Variants in DNAH10 observed in about 807,000 individuals in gnomAD.
DNAH10 encodes the protein dynein axonemal heavy chain 10, also known as axonemal beta dynein heavy chain 10.
In DNAH10, 348 loss-of-function variants were observed where a neutral mutation model predicts 506.6. The ratio of observed to expected loss-of-function variants is 0.69; its 90% CI spans 0.63 to 0.75. The LOEUF is 0.75. DNAH10 is among the 30% of genes least tolerant of loss of function. The probability of loss-of-function intolerance (pLI) is 0.00; values close to 1 mark genes in which losing one functional copy is unlikely to be tolerated. For synonymous variants in DNAH10, 2,059 were observed against 2,198.6 expected (o/e 0.94, Z 1.78); for missense variants, 5,179 against 5,787.1 (o/e 0.89, Z 3.41).
At chr12:123,839,593 G>A (rs573713400) in intron 29 of DNAH10, among the ~76,000 whole-genome samples, 48 of 150,274 alleles carry the variant, frequency 3.2e-4, no homozygotes, top group African/African-American at 1.1e-3. Context: ...TCTTTTTTTT[G>A]TAAAGTTGTA....
intron 18 of DNAH10, among the ~76,000 whole-genome samples, chr12:123,806,183 T>C (rs1958668678): frequency 6.6e-6 from 1 of 152,238 alleles, no homozygotes; most frequent in Admixed American, 6.5e-5. Context: ...CCCTTTCACG[T>C]TGGCTGCTAG....
chr12:123,822,969 G>A (rs751432379), intron 24 of DNAH10, among the ~76,000 whole-genome samples: 12 of 152,160 alleles, frequency 7.9e-5, no homozygotes, highest in Admixed American at 2.0e-4. Flanking sequence ...AAACACCAGC[G>A]TCCACTTGAC....
chr12:123,833,021 TG>T (rs1444438920), intron 26 of DNAH10, 92 bp from the exon 27 acceptor site: 2 of 925,566 alleles, frequency 2.2e-6, no homozygotes, highest in Non-Finnish European at 3.4e-6. Context: ...ATTGCATTGT[TG>T]GCCAAAAGCA....
intron 51 of DNAH10, among the ~76,000 whole-genome samples, chr12:123,883,966 T>A (rs1337384005): frequency 6.6e-6 from 1 of 152,150 alleles, no homozygotes; most frequent in Non-Finnish European, 1.5e-5. Context: ...TAAGTCCACC[T>A]TTAGAGAAGA....
chr12:123,909,445 G>A lies in DNAH10; in HGVS notation c.9997+3G>A. The A allele has an allele frequency of 6.3e-7, 1 of 1,578,040 alleles. No individual in the cohort carries two copies. The highest frequency in any genetic ancestry group is 8.6e-7 in the Non-Finnish European group (1 of 1,160,322). On this transcript the variant is annotated splice_donor_region_variant and intron_variant, in intron 58 of 78. Transcript: ENST00000673944. The surrounding 1 kb of genome is among the most constrained non-coding windows in gnomAD (Gnocchi z 5.4). Reference sequence around the variant, plus strand: ...GAGCCAAGTGAAAAACATCAAAGGTGAGTGTAGCCACGTGTGGGAATCGCC... The same window carrying A: ...GAGCCAAGTGAAAAACATCAAAGGTAAGTGTAGCCACGTGTGGGAATCGCC...
intron 45 of DNAH10, among the ~76,000 whole-genome samples, chr12:123,872,440 C>T (rs1952072614): frequency 1.3e-5 from 2 of 152,102 alleles, no homozygotes; most frequent in African/African-American, 2.4e-5. Context: ...ACCCCTACCC[C>T]AGGACTCTGC....
At chr12:123,822,462 A>G (rs1345501695) in intron 24 of DNAH10, among the ~76,000 whole-genome samples, 1 of 152,148 alleles carries the variant, frequency 6.6e-6, no homozygotes, top group African/African-American at 2.4e-5. Flanking sequence ...AGATATGTGT[A>G]TCTATATCTA....
intron 18 of DNAH10, among the ~76,000 whole-genome samples, chr12:123,805,613 A>G (rs1014656500): frequency 3.9e-5 from 6 of 152,192 alleles, no homozygotes; most frequent in African/African-American, 1.4e-4. Flanking sequence ...GGATCATTCT[A>G]GGAAACCAGC....
intron 61 of DNAH10, 35 bp downstream of exon 61, chr12:123,914,585 A>T (rs1164155412): frequency 6.3e-7 from 1 of 1,590,192 alleles, no homozygotes; most frequent in African/African-American, 1.3e-5. Flanking sequence ...GAGGGAGGGG[A>T]CACCTTAGCA....
Position 123,879,816 on chromosome 12 carries a change from C to T in DNAH10, c.8634+15C>T, listed in dbSNP as rs1952423611. 1.2e-6 allele frequency: 2 copies of T among 1,611,234 alleles called. No homozygotes were observed. Among genetic ancestry groups the T allele is most frequent in the Non-Finnish European group, 1.7e-6 (2 of 1,178,110 alleles). ...CTCTGTTCCAGGTGGGGATGAGCCC[C>T]ACCCTGTCCATGGGCTCACTTTCTC... On this transcript the variant is annotated intron_variant, in intron 50 of 78. Transcript: ENST00000673944.
chr12:123,790,891 G>C (rs376565074), intron 11 of DNAH10, among the ~76,000 whole-genome samples: 1 of 152,162 alleles, frequency 6.6e-6, no homozygotes, highest in Non-Finnish European at 1.5e-5. Flanking sequence ...TTGGGAGGCC[G>C]AGGAGAGAGG....
In DNAH10 at chr12:123,917,839, T is replaced by C; in HGVS notation, c.11232+26T>C. 1 of 1,552,458 alleles carries C rather than the reference T, an allele frequency of 6.4e-7. No individual in the cohort carries two copies. The highest frequency in any genetic ancestry group is 1.2e-5 in the South Asian group (1 of 84,146). The stretch of plus-strand genomic sequence containing the variant: ...GTAGCAACCACAGTGGAAGAGGCCG[T>C]GAGTCAGGCGGGGCCTGCATGCGCC... On this transcript the variant is annotated intron_variant, in intron 64 of 78. Coordinates refer to ENST00000673944, the MANE Select transcript of DNAH10 (RefSeq NM_001372106.1). This position sits in a 1 kb window ranked among gnomAD's most constrained non-coding sequence, Gnocchi z 5.6.
chr12:123,762,717 AT>A lies in DNAH10; in HGVS notation c.214+168del, dbSNP rs1298668496. Among the ~76,000 whole-genome samples the A allele has an allele frequency of 1.3e-5, 2 of 152,130 alleles. No individual in the cohort carries two copies. Among genetic ancestry groups the A allele is most frequent in the Non-Finnish European group, 2.9e-5 (2 of 68,002 alleles). ...GTGCAGGCCCCGGGCGAACCCAGCA[AT>A]CACAGCCGTCCCTGCCCTCCTGGGC... On this transcript the variant is annotated intron_variant, in intron 1 of 78. Coordinates refer to ENST00000673944, the MANE Select transcript of DNAH10 (RefSeq NM_001372106.1). The surrounding 1 kb of genome is among the most constrained non-coding windows in gnomAD (Gnocchi z 5.0).
chr12:123,908,377 C>G, intron 57 of DNAH10: 1 of 456,188 alleles, frequency 2.2e-6, no homozygotes, highest in Non-Finnish European at 4.4e-6. Flanking sequence ...CCCTGCCTGG[C>G]CGCCCCCACA....
intron 1 of DNAH10, among the ~76,000 whole-genome samples, chr12:123,767,316 C>G (rs184816200): frequency 2.2e-3 from 333 of 152,216 alleles, no homozygotes; most frequent in Non-Finnish European, 3.6e-3. Context: ...TGTTGTGCAC[C>G]CAGGAGCCTC....
chr12:123,820,201 T>A (rs1459965129), intron 23 of DNAH10, among the ~76,000 whole-genome samples: 1 of 152,070 alleles, frequency 6.6e-6, no homozygotes, highest in Non-Finnish European at 1.5e-5. Context: ...GTGGTAGTGG[T>A]CATTGGAATT....
intron 57 of DNAH10, chr12:123,908,167 CTCCCTGTCTCT>C (rs1285254417): frequency 1.3e-4 from 47 of 363,954 alleles, no homozygotes; most frequent in African/African-American, 9.8e-4. Flanking sequence ...TCCCTGTCTC[CTCCCTGTCTCT>C]CTGTCTCCTC....
At chr12:123,934,968 C>G in intron 78 of DNAH10, 1 of 687,974 alleles carries the variant, frequency 1.5e-6, no homozygotes, top group Non-Finnish European at 2.4e-6. Context: ...GTGTGGATGC[C>G]GGTCCTTCCA....
chr12:123,800,074 T>C (rs1317183078), intron 14 of DNAH10, 142 bp from the exon 15 acceptor site: 13 of 642,818 alleles, frequency 2.0e-5, no homozygotes, highest in Non-Finnish European at 2.7e-5. Context: ...AAAATACATA[T>C]TCCAGCCAGT....
Sources: allele counts gnomAD v4.1 joint callset (sites outside exome capture counted in the v4.1 genomes callset), GRCh38; gene constraint gnomAD v4.1.1; non-coding constraint Gnocchi (gnomAD v3.1); transcripts MANE v1.5; gene names NCBI Gene and HGNC (gene_info 2026-07-23, HGNC 2026-07-21).